MCTP2: variants seen among roughly 807,000 people sequenced by gnomAD.
MCTP2 encodes multiple C2 and transmembrane domain containing 2.
Under a neutral mutation model 111.6 loss-of-function variants are expected in MCTP2, and 132 were observed. The observed-to-expected ratio is 1.18, with a 90% CI of 1.03 to 1.37. MCTP2 has a LOEUF of 1.37. Among genes scored for constraint, MCTP2 ranks in the 40% most tolerant of loss-of-function variants. The pLI, the probability that MCTP2 is intolerant of heterozygous loss-of-function variation, is 0.00. For missense variants in MCTP2, 1,183 were observed against 1,067.9 expected (o/e 1.11, Z -1.50); for synonymous variants, 395 against 387.7 (o/e 1.02, Z -0.22).
chr15:94,476,473 A>AT, intron 21 of MCTP2: 1 of 370,266 alleles, frequency 2.7e-6, no homozygotes, highest in Non-Finnish European at 4.9e-6. Context: ...ATGATTCTAC[A>AT]TGACAGCAAC....
intron 17 of MCTP2, among the ~76,000 whole-genome samples, chr15:94,431,569 AT>A (rs1420963040): frequency 6.6e-6 from 1 of 152,218 alleles, no homozygotes; most frequent in African/African-American, 2.4e-5. Flanking sequence ...TATGTAAGAC[AT>A]GTTTTTCCTG....
intron 1 of MCTP2, among the ~76,000 whole-genome samples, chr15:94,236,364 C>CTTTCTTTTT (rs1374540133): frequency 8.8e-6 from 1 of 113,532 alleles, no homozygotes; most frequent in Non-Finnish European, 1.8e-5. Context: ...TGATTCAATC[C>CTTTCTTTTT]TTTCTTTTTT....
chr15:94,440,942 C>T (rs954057151), intron 18 of MCTP2, among the ~76,000 whole-genome samples: 1 of 152,146 alleles, frequency 6.6e-6, no homozygotes, highest in Non-Finnish European at 1.5e-5. Context: ...CCCCTCATTG[C>T]ACCCCATAAG....
intron 20 of MCTP2, among the ~76,000 whole-genome samples, chr15:94,469,818 G>A (rs1038362167): frequency 6.6e-6 from 1 of 151,928 alleles, no homozygotes; most frequent in African/African-American, 2.4e-5. Context: ...GCTGCAGTGA[G>A]CTATGACTGC....
chr15:94,250,608 A>C (rs961774659), intron 1 of MCTP2, among the ~76,000 whole-genome samples: 1 of 152,232 alleles, frequency 6.6e-6, no homozygotes, highest in Non-Finnish European at 1.5e-5. Flanking sequence ...ACTGAGAGTT[A>C]TCTATTTTTT....
chr15:94,378,756 A>G (rs1442829997), intron 12 of MCTP2, among the ~76,000 whole-genome samples: 1 of 152,148 alleles, frequency 6.6e-6, no homozygotes, highest in East Asian at 1.9e-4. Flanking sequence ...ATGCTGAGGA[A>G]GTCATTATTT....
intron 4 of MCTP2, among the ~76,000 whole-genome samples, chr15:94,335,891 G>C (rs543312550): frequency 6.6e-6 from 1 of 152,070 alleles, no homozygotes; most frequent in East Asian, 1.9e-4. Flanking sequence ...ATTTATGGTG[G>C]GTATATTAGA....
intron 12 of MCTP2, among the ~76,000 whole-genome samples, chr15:94,373,699 T>A (rs562395937): frequency 6.6e-4 from 100 of 152,350 alleles, no homozygotes; most frequent in African/African-American, 2.2e-3. Context: ...TGGTAAAAGC[T>A]ATTTTTTCTC....
At chr15:94,329,533 A>G (rs1389492835) in intron 4 of MCTP2, among the ~76,000 whole-genome samples, 1 of 152,172 alleles carries the variant, frequency 6.6e-6, no homozygotes, top group Non-Finnish European at 1.5e-5. Flanking sequence ...AGAGAGAGAG[A>G]GCAGGGAGGT....
At chr15:94,423,706 T>C (rs1309109904) in intron 17 of MCTP2, among the ~76,000 whole-genome samples, 1 of 152,200 alleles carries the variant, frequency 6.6e-6, no homozygotes, top group Non-Finnish European at 1.5e-5. Context: ...TATTGGCGGC[T>C]GCCAATGGTA....
chr15:94,396,424 T>A (rs2081284037), intron 14 of MCTP2, among the ~76,000 whole-genome samples: 1 of 152,108 alleles, frequency 6.6e-6, no homozygotes, highest in Admixed American at 6.5e-5. Flanking sequence ...ATAATAAATT[T>A]TGTTTAGACG....
intron 1 of MCTP2, among the ~76,000 whole-genome samples, chr15:94,252,217 C>T (rs796092948): frequency 5.3e-5 from 8 of 152,212 alleles, no homozygotes; most frequent in African/African-American, 1.9e-4. Context: ...GCGGCTGTAC[C>T]ATTTTACATT....
chr15:94,363,803 T>C (rs2079054380), intron 10 of MCTP2, among the ~76,000 whole-genome samples: 1 of 152,188 alleles, frequency 6.6e-6, no homozygotes, highest in Non-Finnish European at 1.5e-5. Flanking sequence ...GTGTTGCACC[T>C]TCTGAACGAC....
intron 1 of MCTP2, among the ~76,000 whole-genome samples, chr15:94,259,943 C>T (rs907924918): frequency 1.3e-5 from 2 of 152,200 alleles, no homozygotes; most frequent in African/African-American, 4.8e-5. Flanking sequence ...CTCCACATCA[C>T]CATGTAATTG....
At chr15:94,302,674 C>T (rs1448480491) in intron 2 of MCTP2, among the ~76,000 whole-genome samples, 1 of 152,158 alleles carries the variant, frequency 6.6e-6, no homozygotes, top group East Asian at 1.9e-4. Flanking sequence ...AGAACCACCT[C>T]AAACATAGAC....
chr15:94,381,857 C>G (rs2080157141), intron 12 of MCTP2, among the ~76,000 whole-genome samples: 1 of 152,198 alleles, frequency 6.6e-6, no homozygotes, highest in South Asian at 2.1e-4. Flanking sequence ...AACCACATGG[C>G]CAGCGTAAAC....
At chr15:94,408,055 T>G (rs186266939) in intron 17 of MCTP2, among the ~76,000 whole-genome samples, 1 of 152,300 alleles carries the variant, frequency 6.6e-6, no homozygotes, top group African/African-American at 2.4e-5. Context: ...TTTTGATGCT[T>G]TCGATATTTA....
At chr15:94,272,399 C>T (rs752095284) in intron 1 of MCTP2, among the ~76,000 whole-genome samples, 3 of 152,114 alleles carry the variant, frequency 2.0e-5, no homozygotes, top group Admixed American at 6.5e-5. Flanking sequence ...GTGCGTTTAG[C>T]GTGAGTGTTG....
intron 20 of MCTP2, among the ~76,000 whole-genome samples, chr15:94,468,072 A>ATCATAAACAAAG (rs1490038652): frequency 1.3e-5 from 2 of 152,224 alleles, no homozygotes; most frequent in Non-Finnish European, 2.9e-5. Flanking sequence ...TTTTATGTTA[A>ATCATAAACAAAG]TCATAAACAA....
Sources: allele counts gnomAD v4.1 joint callset (sites outside exome capture counted in the v4.1 genomes callset), GRCh38; gene constraint gnomAD v4.1.1; transcripts MANE v1.5; gene names NCBI Gene and HGNC (gene_info 2026-07-23, HGNC 2026-07-21).